UBR3: variants seen among roughly 807,000 people sequenced by gnomAD.
UBR3 encodes the protein E3 ubiquitin-protein ligase UBR3.
UBR3 carries 85 observed loss-of-function variants against 243.2 expected under a neutral mutation model. The observed-to-expected ratio is 0.35, with a 90% CI of 0.29 to 0.42. The LOEUF (loss-of-function observed/expected upper bound fraction) is 0.42. UBR3 is among the 10% of genes least tolerant of loss of function. The pLI is 1.00. For missense variants in UBR3, 1,686 were observed against 2,300.8 expected (o/e 0.73, Z 5.47); for synonymous variants, 748 against 799.8 (o/e 0.94, Z 1.09).
In UBR3 at chr2:170,001,407, C is replaced by G; in HGVS notation, c.4022C>G (p.Ser1341Ter). ...GATTGTCATAAATCTTACATGGAAT[C>G]ATTACGGGTAAGTTGATTGCAAAAA... ...HIDCHKSYME[S>*]LRNDQVLQGF... Residue 1341 changes from serine to a stop codon, truncating the protein, a stop_gained, in exon 27 of 39, where the codon TCA becomes TGA. Coordinates refer to ENST00000272793, the MANE Select transcript of UBR3 (RefSeq NM_172070.4). LOFTEE classifies it high-confidence loss of function. 1 of 1,609,940 alleles carries G rather than the reference C, an allele frequency of 6.2e-7. No individual in the cohort carries two copies. Among genetic ancestry groups the G allele is most frequent in the Non-Finnish European group, 8.5e-7 (1 of 1,177,012 alleles).
intron 27 of UBR3, among the ~76,000 whole-genome samples, chr2:170,005,630 T>A (rs1429338232): frequency 2.0e-5 from 3 of 152,128 alleles, no homozygotes; most frequent in Admixed American, 2.0e-4. Flanking sequence ...TATTTTCAGA[T>A]CACGAGTAAT....
At chr2:169,834,672 T>C (rs1231576576) in intron 1 of UBR3, among the ~76,000 whole-genome samples, 1 of 152,238 alleles carries the variant, frequency 6.6e-6, no homozygotes, top group Non-Finnish European at 1.5e-5. Context: ...CAGGACTATT[T>C]TGAAGCAAAT....
intron 1 of UBR3, among the ~76,000 whole-genome samples, chr2:169,855,954 G>A (rs1460148633): frequency 4.6e-5 from 7 of 151,738 alleles, no homozygotes; most frequent in South Asian, 2.1e-4. Context: ...CCTCCCGGAC[G>A]GGGCGGCTGG....
intron 35 of UBR3, among the ~76,000 whole-genome samples, chr2:170,066,221 G>A (rs2091564536): frequency 6.6e-6 from 1 of 152,138 alleles, no homozygotes; most frequent in Admixed American, 6.5e-5. Context: ...AACACAGCAA[G>A]CTTGTTCTCC....
At chr2:169,955,400 C>T (rs190865410) in intron 23 of UBR3, among the ~76,000 whole-genome samples, 3 of 152,088 alleles carry the variant, frequency 2.0e-5, no homozygotes, top group Admixed American at 2.0e-4. Context: ...CAAATTATTA[C>T]AGATTTGGCC....
At chr2:169,863,836 G>A (rs540449358) in intron 1 of UBR3, among the ~76,000 whole-genome samples, 7 of 152,020 alleles carry the variant, frequency 4.6e-5, no homozygotes, top group Non-Finnish European at 7.4e-5. Flanking sequence ...TCTTGATGGC[G>A]GAATTGGTAC....
chr2:169,934,126 T>C (rs2086239163), intron 19 of UBR3, among the ~76,000 whole-genome samples: 1 of 152,226 alleles, frequency 6.6e-6, no homozygotes, highest in East Asian at 1.9e-4. Flanking sequence ...CTTATCTCAA[T>C]TCTGGCACTT....
chr2:170,040,201 C>T (rs971188009), intron 31 of UBR3, among the ~76,000 whole-genome samples: 4 of 152,250 alleles, frequency 2.6e-5, no homozygotes, highest in South Asian at 2.1e-4. Context: ...TGCAGCAGCA[C>T]AATCACAGCC....
intron 30 of UBR3, among the ~76,000 whole-genome samples, chr2:170,019,568 C>T (rs867484896): frequency 1.3e-5 from 2 of 151,684 alleles, no homozygotes; most frequent in African/African-American, 2.4e-5. Flanking sequence ...GCCTGTGGTC[C>T]CAGCTACTCA....
chr2:170,073,457 CT>C lies in UBR3; in HGVS notation c.5050del (p.Cys1684AlafsTer31). 1 of 1,613,612 alleles carries C rather than the reference CT, an allele frequency of 6.2e-7. No individual in the cohort carries two copies. The highest frequency in any genetic ancestry group is 8.5e-7 in the Non-Finnish European group (1 of 1,179,670). ...EEEEFSVLAS[C>X]LGLLPTFYQT... The stretch of plus-strand genomic sequence containing the variant: ...AAGAAGAATTTTCAGTTCTTGCCAG[CT>C]GCCTGGGACTTCTGCCAACGTTTTA... On this transcript the variant is annotated frameshift_variant, in exon 36 of 39. Coordinates refer to ENST00000272793, the MANE Select transcript of UBR3 (RefSeq NM_172070.4). LOFTEE classifies it high-confidence loss of function.
chr2:169,981,133 A>G (rs1052597117), intron 24 of UBR3, among the ~76,000 whole-genome samples: 2 of 152,156 alleles, frequency 1.3e-5, no homozygotes, highest in Admixed American at 6.5e-5. Context: ...ATAAGGTAGC[A>G]TAGAGAAGTT....
chr2:169,874,896 C>T (rs867614145), intron 2 of UBR3, among the ~76,000 whole-genome samples: 20 of 152,158 alleles, frequency 1.3e-4, no homozygotes, highest in African/African-American at 4.3e-4. Flanking sequence ...TATGGTTAAG[C>T]TATACATCTC....
intron 30 of UBR3, among the ~76,000 whole-genome samples, chr2:170,020,793 ATTTTG>A (rs969831068): frequency 2.0e-5 from 3 of 152,234 alleles, no homozygotes; most frequent in African/African-American, 7.2e-5. Context: ...AGATTTTGGT[ATTTTG>A]TTTTATATTT....
At chr2:169,891,479 CATTG>C (rs1004320027) in intron 6 of UBR3, among the ~76,000 whole-genome samples, 26 of 152,030 alleles carry the variant, frequency 1.7e-4, no homozygotes, top group African/African-American at 6.0e-4. Context: ...GAAGTCTTTT[CATTG>C]ATTGACTGAT....
rs145792515 is a variant in UBR3 at position 169,874,208 on chromosome 2, G to A, written c.686-1583G>A. 2.3e-3 allele frequency among the ~76,000 whole-genome samples: 334 copies of A among 148,124 alleles called. 2 individuals are homozygous for A. The highest frequency in any genetic ancestry group is 8.1e-3 in the African/African-American group (326 of 40,098). On this transcript the variant is annotated intron_variant, in intron 2 of 38. Coordinates refer to ENST00000272793, the MANE Select transcript of UBR3 (RefSeq NM_172070.4). Reference sequence around the variant, plus strand: ...TTTGAGATGGAGTTTCGCTCTTATTGCCCAGGCTGGAGTGCAGTGGTGCGA... The same window carrying A: ...TTTGAGATGGAGTTTCGCTCTTATTACCCAGGCTGGAGTGCAGTGGTGCGA...
At chr2:170,067,559 A>G (rs1450821662) in intron 35 of UBR3, among the ~76,000 whole-genome samples, 1 of 152,178 alleles carries the variant, frequency 6.6e-6, no homozygotes, top group Non-Finnish European at 1.5e-5. Context: ...TATATTATAT[A>G]TATACAACTA....
intron 8 of UBR3, among the ~76,000 whole-genome samples, chr2:169,902,685 C>G (rs889692032): frequency 6.6e-6 from 1 of 150,962 alleles, no homozygotes; most frequent in Non-Finnish European, 1.5e-5. Context: ...TCTCGGCTCA[C>G]TGCAACCTCC....
chr2:169,907,028 ATTTC>A (rs1279963097), intron 10 of UBR3, among the ~76,000 whole-genome samples: 7 of 141,150 alleles, frequency 5.0e-5, no homozygotes, highest in Non-Finnish European at 9.2e-5. Flanking sequence ...CTAGGTTCAA[ATTTC>A]TTTCTTTTTT....
intron 31 of UBR3, among the ~76,000 whole-genome samples, chr2:170,036,086 C>T: frequency 6.6e-6 from 1 of 151,964 alleles, no homozygotes; most frequent in Admixed American, 6.6e-5. Flanking sequence ...AGATTTTCTA[C>T]ATAGACGACC....
Sources: allele counts gnomAD v4.1 joint callset (sites outside exome capture counted in the v4.1 genomes callset), GRCh38; gene constraint gnomAD v4.1.1; transcripts MANE v1.5; gene names NCBI Gene and HGNC (gene_info 2026-07-23, HGNC 2026-07-21).